APLF: variants seen among roughly 807,000 people sequenced by gnomAD.
APLF encodes the protein aprataxin and PNKP like factor, also known as aprataxin and PNK-like factor.
In APLF, 61 loss-of-function variants were observed where a neutral mutation model predicts 55.6. The ratio of observed to expected loss-of-function variants is 1.10; its 90% CI spans 0.89 to 1.36. The LOEUF is 1.36. Among genes scored for constraint, APLF ranks in the 40% most tolerant of loss-of-function variants. The pLI is 0.00. For synonymous variants in APLF, 207 were observed against 214.8 expected (o/e 0.96, Z 0.32); for missense variants, 611 against 602.5 (o/e 1.01, Z -0.15).
intron 3 of APLF, among the ~76,000 whole-genome samples, chr2:68,510,259 C>A (rs940777584): frequency 2.0e-5 from 3 of 151,530 alleles, no homozygotes; most frequent in African/African-American, 7.3e-5. Flanking sequence ...GAAAAGACAA[C>A]CACAGAATGA....
At position 68,513,238 on chromosome 2, in the gene APLF, T is replaced by C; in HGVS notation, c.489+11T>C. On this transcript the variant is annotated intron_variant, in intron 4 of 9. Transcript: ENST00000303795. ...CCCACAAATAGTGTGGTGAGAAATT[T>C]GATATCTCATCCATTTATAACATGT... 2 of 1,594,734 alleles carry C rather than the reference T, an allele frequency of 1.3e-6. No individual in the cohort carries two copies. The highest frequency in any genetic ancestry group is 1.1e-5 in the South Asian group (1 of 87,500).
intron 2 of APLF, among the ~76,000 whole-genome samples, chr2:68,499,277 G>A (rs1676648436): frequency 6.6e-6 from 1 of 152,290 alleles, no homozygotes; most frequent in Non-Finnish European, 1.5e-5. Context: ...TGTCTCTCAT[G>A]TAGGTAGTTA....
intron 8 of APLF, among the ~76,000 whole-genome samples, chr2:68,552,761 A>G (rs1395722336): frequency 6.6e-6 from 1 of 152,182 alleles, no homozygotes; most frequent in Non-Finnish European, 1.5e-5. Flanking sequence ...AGAAGGGGCT[A>G]GTCAAGAGAA....
chr2:68,477,772 C>T (rs889128563), intron 1 of APLF, among the ~76,000 whole-genome samples: 7 of 152,194 alleles, frequency 4.6e-5, no homozygotes, highest in South Asian at 2.1e-4. Context: ...GCGAATGAGG[C>T]GCAAAGTCAA....
In APLF at chr2:68,517,226, ATATAT is replaced by A. The variant is rs1669624557; in HGVS notation, c.622+3549_622+3553del. 2.7e-5 allele frequency among the ~76,000 whole-genome samples: 3 copies of A among 111,024 alleles called. No homozygotes were observed. The South Asian group carries it at 7.9e-4, about 29-fold the overall frequency. 72.8% of individuals were successfully genotyped at this position (111,024 alleles called of 152,430 possible). On this transcript the variant is annotated intron_variant, in intron 5 of 9. Transcript: ENST00000303795. ...TAATATATGTTATTGATATATATAA[ATATAT>A]TAATATATGTCATTACTATATAATA... is the stretch of plus-strand genomic sequence containing the variant.
chr2:68,567,476 T>A, intron 9 of APLF, 89 bp downstream of exon 9: 1 of 1,048,074 alleles, frequency 9.5e-7, no homozygotes, highest in Non-Finnish European at 1.4e-6. Flanking sequence ...GAAAATATTT[T>A]AAAATCTCTG....
intron 5 of APLF, among the ~76,000 whole-genome samples, chr2:68,514,491 T>C (rs907170520): frequency 2.0e-5 from 3 of 151,850 alleles, no homozygotes; most frequent in African/African-American, 2.4e-5. Context: ...TCCCCTGTTA[T>C]GTATGGCAGC....
intron 8 of APLF, 143 bp from the exon 9 acceptor site, chr2:68,567,198 A>G: frequency 1.5e-6 from 1 of 647,382 alleles, no homozygotes; most frequent in Non-Finnish European, 2.7e-6. Flanking sequence ...AAATATTGTA[A>G]TTAAACAACA....
rs746584728 is a variant in APLF at position 68,578,022 on chromosome 2, G to A, written c.1536G>A (p.Ter512=). 1.2e-5 allele frequency: 19 copies of A among 1,611,040 alleles called. No homozygotes were observed. Among genetic ancestry groups the A allele is most frequent in the Non-Finnish European group, 1.5e-5 (18 of 1,178,736 alleles). The change falls in exon 10 of 10, where the codon TAG becomes TAA. Residue 512 remains the stop codon, a stop_retained_variant. Coordinates refer to ENST00000303795, the MANE Select transcript of APLF (RefSeq NM_173545.3). ...KEAKRFMKRK[*] The stretch of plus-strand genomic sequence containing the variant: ...CAAAAAGGTTTATGAAAAGAAAATA[G>A]TAACTAACTTCTGTAGTCATATCTG...
chr2:68,537,701 A>C (rs1434902408), intron 6 of APLF, among the ~76,000 whole-genome samples, 171 bp from the exon 7 acceptor site: 2 of 152,182 alleles, frequency 1.3e-5, no homozygotes, highest in African/African-American at 2.4e-5. Context: ...AAAATGTTTT[A>C]AGTTATTAAA....
rs576761552 is a variant in APLF at position 68,536,151 on chromosome 2, G to T, written c.805-1721G>T. 4.6e-5 allele frequency among the ~76,000 whole-genome samples: 7 copies of T among 152,236 alleles called. No homozygotes were observed. In the South Asian group the frequency reaches 1.2e-3, roughly 27 times the overall value. ...AGACCAGTTGGTCCTGGAGTTGGGG[G>T]GTTGAGATTGGGGTGTACTTGTGCA... On this transcript the variant is annotated intron_variant, in intron 6 of 9. Transcript: ENST00000303795.
chr2:68,495,933 A>G (rs770037444), intron 2 of APLF, among the ~76,000 whole-genome samples: 6 of 152,224 alleles, frequency 3.9e-5, no homozygotes. Flanking sequence ...TATGGATAGC[A>G]CTGTCCCAAG....
At position 68,490,014 on chromosome 2, in the gene APLF, C is replaced by CTCTGAGTT. The variant is rs372425428; in HGVS notation, c.97-174_97-173insTGAGTTTC. Reference sequence around the variant, plus strand: ...ATGACTTTGGGCAGGTTTTTTTAATCTCATTATTTGTTAAATGAGGACAAT... The same window carrying CTCTGAGTT: ...ATGACTTTGGGCAGGTTTTTTTAATCTCTGAGTTTCATTATTTGTTAAATGAGGACAAT... On this transcript the variant is annotated intron_variant, in intron 1 of 9. Coordinates refer to ENST00000303795, the MANE Select transcript of APLF (RefSeq NM_173545.3). Among the ~76,000 whole-genome samples, 997 of 152,052 alleles carry CTCTGAGTT rather than the reference C, an allele frequency of 6.6e-3. 7 individuals are homozygous for CTCTGAGTT. Among genetic ancestry groups the CTCTGAGTT allele is most frequent in the African/African-American group, 0.023 (949 of 41,470 alleles).
At chr2:68,546,607 G>T (rs563252016) in intron 8 of APLF, among the ~76,000 whole-genome samples, 1 of 151,862 alleles carries the variant, frequency 6.6e-6, no homozygotes, top group Admixed American at 6.6e-5. Flanking sequence ...ATGTTTTAAT[G>T]TTAAAAAATA....
intron 3 of APLF, among the ~76,000 whole-genome samples, chr2:68,510,933 A>G (rs920346973): frequency 4.0e-5 from 6 of 151,854 alleles, no homozygotes; most frequent in Non-Finnish European, 8.8e-5. Context: ...AAGACCACAT[A>G]CTGTATTTCA....
At chr2:68,501,248 T>A (rs1346670138) in intron 2 of APLF, among the ~76,000 whole-genome samples, 1 of 152,196 alleles carries the variant, frequency 6.6e-6, no homozygotes, top group African/African-American at 2.4e-5. Context: ...ACTAGGTGGA[T>A]TATATTCATT....
At position 68,510,405 on chromosome 2, in the gene APLF, G is replaced by C. The variant is rs147320127; in HGVS notation, c.342-2675G>C. On this transcript the variant is annotated intron_variant, in intron 3 of 9. Coordinates refer to ENST00000303795, the MANE Select transcript of APLF (RefSeq NM_173545.3). Reference sequence around the variant, plus strand: ...GACATTTTTCCAAAGAAGGTGTACAGGTGGTCAGTAGAACATGAAAAAATG... The same window carrying C: ...GACATTTTTCCAAAGAAGGTGTACACGTGGTCAGTAGAACATGAAAAAATG... Among the ~76,000 whole-genome samples the C allele has an allele frequency of 3.0e-4, 46 of 151,800 alleles. No individual in the cohort carries two copies. The East Asian group carries it at 7.8e-3, about 26-fold the overall frequency.
rs540029648 is a variant in APLF at position 68,517,524 on chromosome 2, A to C, written c.622+3844A>C. Among the ~76,000 whole-genome samples, 242 of 141,612 alleles carry C rather than the reference A, an allele frequency of 1.7e-3. 1 individual carries two copies. The highest frequency in any genetic ancestry group is 5.7e-3 in the African/African-American group (222 of 39,138). The allele number at this position is 141,612 out of a possible 152,430, so 92.9% of individuals were successfully genotyped here. ...GTTATCACTATATATTAATATATCA[A>C]TATATGTTATTAACATATGTCAATA... On this transcript the variant is annotated intron_variant, in intron 5 of 9. Coordinates refer to ENST00000303795, the MANE Select transcript of APLF (RefSeq NM_173545.3).
At chr2:68,471,487 CTAAA>C (rs1293227355) in intron 1 of APLF, among the ~76,000 whole-genome samples, 1 of 152,050 alleles carries the variant, frequency 6.6e-6, no homozygotes, top group Non-Finnish European at 1.5e-5. Context: ...GTATTAGTAA[CTAAA>C]TAAGGCTACA....
Sources: allele counts gnomAD v4.1 joint callset (sites outside exome capture counted in the v4.1 genomes callset), GRCh38; gene constraint gnomAD v4.1.1; transcripts MANE v1.5; gene names NCBI Gene and HGNC (gene_info 2026-07-23, HGNC 2026-07-21).